Variants in AGO2 observed in about 807,000 individuals in gnomAD.
The protein encoded by AGO2 is argonaute RISC catalytic component 2.
Under a neutral mutation model 102.3 loss-of-function variants are expected in AGO2, and 5 were observed. The ratio of observed to expected loss-of-function variants is 0.05; its 90% CI spans 0.03 to 0.10. AGO2 has a LOEUF of 0.10. Among genes scored for constraint, AGO2 ranks in the 10% least tolerant of loss-of-function variants. The pLI is 1.00. For missense variants in AGO2, 541 were observed against 1,183.7 expected (o/e 0.46, Z 7.97); for synonymous variants, 449 against 473.1 (o/e 0.95, Z 0.66).
At chr8:140,563,880 C>T (rs569567065) in intron 3 of AGO2, among the ~76,000 whole-genome samples, 1 of 152,380 alleles carries the variant, frequency 6.6e-6, no homozygotes, top group East Asian at 1.9e-4. Flanking sequence ...ATCCTTGTCG[C>T]CCAGGGCCTG....
intron 1 of AGO2, chr8:140,591,671 C>G (rs1178404631): frequency 6.6e-6 from 1 of 152,180 alleles, no homozygotes; most frequent in African/African-American, 2.4e-5. Flanking sequence ...CCTGAAACTG[C>G]AACCACCATT....
intron 10 of AGO2, among the ~76,000 whole-genome samples, chr8:140,554,184 C>T (rs1338450810): frequency 6.6e-6 from 1 of 152,248 alleles, no homozygotes; most frequent in Non-Finnish European, 1.5e-5. Context: ...CCAGGCACTC[C>T]TCTTGCCCTC....
At chr8:140,600,878 G>T (rs573852441) in intron 1 of AGO2, among the ~76,000 whole-genome samples, 92 of 150,284 alleles carry the variant, frequency 6.1e-4, no homozygotes, top group Non-Finnish European at 1.1e-3. Flanking sequence ...GTTGCAGTGA[G>T]CCGAGATCAC....
chr8:140,565,870 A>G (rs992907482), intron 3 of AGO2, among the ~76,000 whole-genome samples: 4 of 152,018 alleles, frequency 2.6e-5, no homozygotes, highest in African/African-American at 9.7e-5. Context: ...GTTTGAGTCC[A>G]GAGTTGGAGA....
intron 4 of AGO2, 89 bp downstream of exon 4, chr8:140,562,364 G>A: frequency 2.7e-6 from 4 of 1,468,090 alleles, no homozygotes; most frequent in Non-Finnish European, 3.6e-6. Context: ...CCAAGAATGA[G>A]CCGTTCCTCG....
At position 140,558,322 on chromosome 8, in the gene AGO2, G is replaced by A. The variant is rs559276500; in HGVS notation, c.878+163C>T. Among the ~76,000 whole-genome samples the A allele has an allele frequency of 2.0e-5, 3 of 152,364 alleles. No individual in the cohort carries two copies. The South Asian group carries it at 6.2e-4, about 32-fold the overall frequency. On this transcript the variant is annotated intron_variant, in intron 7 of 18. Coordinates refer to ENST00000220592, the MANE Select transcript of AGO2 (RefSeq NM_012154.5). The stretch of plus-strand genomic sequence containing the variant: ...ATCTGAGTTTATTTTCTTAGGTGAA[G>A]TCTGGAATCTACTGAGCCATGTAAG...
At chr8:140,638,927 A>G (rs971992862), upstream of AGO2, among the ~76,000 whole-genome samples, 1 of 152,046 alleles carries the variant, frequency 6.6e-6, no homozygotes, top group African/African-American at 2.4e-5. Flanking sequence ...TCTATTGCCC[A>G]TGCTGGAGTG....
At chr8:140,623,776 A>T (rs2074243472) in intron 1 of AGO2, among the ~76,000 whole-genome samples, 1 of 152,090 alleles carries the variant, frequency 6.6e-6, no homozygotes, top group African/African-American at 2.4e-5. Flanking sequence ...CTGGGAGGCC[A>T]CTTGCCACCG....
In AGO2 at chr8:140,539,967, G is replaced by A. The variant is rs188322972; in HGVS notation, c.2035-513C>T. Among the ~76,000 whole-genome samples, 319 of 152,246 alleles carry A rather than the reference G, an allele frequency of 2.1e-3. No individual in the cohort carries two copies. Among genetic ancestry groups the A allele is most frequent in the South Asian group, 0.012 (56 of 4,830 alleles). ...CTGGGCGTGGTGGTGGGCACCTGTC[G>A]TAATCCCAGCTACTCCGGAGGCAGA... is the stretch of plus-strand genomic sequence containing the variant. On this transcript the variant is annotated intron_variant, in intron 15 of 18. Transcript: ENST00000220592. This position sits in a 1 kb window ranked among gnomAD's most constrained non-coding sequence, Gnocchi z 4.7.
chr8:140,601,137 T>C (rs1392206936), intron 1 of AGO2, among the ~76,000 whole-genome samples: 1 of 152,168 alleles, frequency 6.6e-6, no homozygotes, highest in African/African-American at 2.4e-5. Flanking sequence ...TGGCATCTCA[T>C]CTGCACCTGG....
In AGO2 at chr8:140,562,541, G is replaced by GT; in HGVS notation, c.429dup (p.His144ThrfsTer14). 1 of 1,614,176 alleles carries GT rather than the reference G, an allele frequency of 6.2e-7. No homozygotes were observed. Among genetic ancestry groups the GT allele is most frequent in the African/African-American group, 1.3e-5 (1 of 75,074 alleles). ...GGCAGCCGCCCTGAAAGTGCATCGT[G>GT]TAACGCCTGCAAGCTCACGCAGGAC... is the stretch of plus-strand genomic sequence containing the variant. On this transcript the variant is annotated frameshift_variant, in exon 4 of 19. Coordinates refer to ENST00000220592, the MANE Select transcript of AGO2 (RefSeq NM_012154.5). LOFTEE classifies it high-confidence loss of function.
chr8:140,612,208 G>C (rs1388348411), intron 1 of AGO2, among the ~76,000 whole-genome samples: 1 of 109,522 alleles, frequency 9.1e-6, no homozygotes, highest in Admixed American at 1.2e-4. Context: ...GGCCAAGAGC[G>C]AGACTCTGTC....
At chr8:140,616,744 CACAGA>C (rs907043270) in intron 1 of AGO2, among the ~76,000 whole-genome samples, 24 of 152,338 alleles carry the variant, frequency 1.6e-4, no homozygotes, top group African/African-American at 5.5e-4. Flanking sequence ...ATACCAGGCT[CACAGA>C]ACAGGAGAGC....
At chr8:140,593,125 G>A (rs1432606212) in intron 1 of AGO2, 1 of 152,174 alleles carries the variant, frequency 6.6e-6, no homozygotes, top group Admixed American at 6.5e-5. Flanking sequence ...AAACATACAA[G>A]AATCTGACCT....
At chr8:140,562,399 G>A (rs2292773) in intron 4 of AGO2, 54 bp downstream of exon 4, 595,140 of 1,556,858 alleles carry the variant, frequency 0.38, 118,403 homozygotes, top group East Asian at 0.68. Flanking sequence ...CCTGCGGGGG[G>A]CCCTCGGAGC....
intron 11 of AGO2, among the ~76,000 whole-genome samples, chr8:140,550,941 A>G (rs2132910159): frequency 6.6e-6 from 1 of 152,284 alleles, no homozygotes; most frequent in Admixed American, 6.5e-5. Context: ...TAATTTACAC[A>G]AATATGGAGC....
At chr8:140,640,827 G>A in the AGO2 span, among the ~76,000 whole-genome samples, 1 of 152,156 alleles carries the variant, frequency 6.6e-6, no homozygotes, top group Non-Finnish European at 1.5e-5. Context: ...CCCAGCTGGT[G>A]TTCCTAAGCA....
intron 3 of AGO2, among the ~76,000 whole-genome samples, chr8:140,569,941 C>T (rs2073351081): frequency 6.6e-6 from 1 of 152,172 alleles, no homozygotes; most frequent in Non-Finnish European, 1.5e-5. Flanking sequence ...GGTAATGGAG[C>T]ATCAGAACGA....
chr8:140,607,692 C>T (rs966418693), intron 1 of AGO2, among the ~76,000 whole-genome samples: 5 of 151,800 alleles, frequency 3.3e-5, no homozygotes, highest in African/African-American at 4.8e-5. Flanking sequence ...CACAAAAGTC[C>T]GCATGTATAA....
Sources: gnomAD v4.1 joint callset for allele counts (sites outside exome capture counted in the v4.1 genomes callset) on GRCh38, gnomAD v4.1.1 for gene constraint, Gnocchi (gnomAD v3.1) non-coding constraint, MANE v1.5 for transcripts, NCBI Gene and HGNC (gene_info 2026-07-23, HGNC 2026-07-21) for gene names.